Variants in PRKG1 observed in about 807,000 individuals in gnomAD.
PRKG1 encodes the protein protein kinase cGMP-dependent 1.
Under a neutral mutation model 88.1 loss-of-function variants are expected in PRKG1, and 35 were observed. The ratio of observed to expected loss-of-function variants is 0.40; its 90% CI spans 0.30 to 0.53. PRKG1 has a LOEUF of 0.53. Ranked by LOEUF, PRKG1 falls within the 20% of genes least tolerant of loss-of-function variation. The pLI, the probability that PRKG1 is intolerant of heterozygous loss-of-function variation, is 0.59. For missense variants in PRKG1, 540 were observed against 839.8 expected (o/e 0.64, Z 4.41); for synonymous variants, 303 against 292.5 (o/e 1.04, Z -0.37).
intron 2 of PRKG1, chr10:51,306,573 A>G (rs912950773): frequency 1.3e-5 from 2 of 152,120 alleles, no homozygotes; most frequent in African/African-American, 2.4e-5. Flanking sequence ...TCTCAGGAGT[A>G]TATGTTCAAT....
chr10:51,807,760 C>CA (rs1839343824), intron 4 of PRKG1, among the ~76,000 whole-genome samples: 1 of 152,074 alleles, frequency 6.6e-6, no homozygotes. Context: ...AACAGAAAAG[C>CA]AGGGGAAGGT....
intron 5 of PRKG1, among the ~76,000 whole-genome samples, chr10:52,027,805 T>A (rs1227910910): frequency 6.6e-6 from 1 of 152,190 alleles, no homozygotes; most frequent in Non-Finnish European, 1.5e-5. Context: ...TATTATTTAT[T>A]TGAGACAGAG....
At chr10:52,005,426 T>C (rs916053682) in intron 5 of PRKG1, among the ~76,000 whole-genome samples, 2 of 152,084 alleles carry the variant, frequency 1.3e-5, no homozygotes, top group African/African-American at 4.8e-5. Context: ...GCTGTGGAGC[T>C]TCCTATTGTC....
intron 2 of PRKG1, among the ~76,000 whole-genome samples, chr10:51,459,608 T>C (rs10823039): frequency 0.2 from 30,637 of 152,154 alleles, 3,313 homozygotes; most frequent in Admixed American, 0.32. Flanking sequence ...CCCTAGGAAA[T>C]AAGATACTAT....
In PRKG1 at chr10:52,156,568, T is replaced by A. The variant is rs181239263; in HGVS notation, c.1002-5321T>A. Among the ~76,000 whole-genome samples, 190 of 151,886 alleles carry A rather than the reference T, an allele frequency of 1.3e-3. 2 individuals are homozygous for A. Among genetic ancestry groups the A allele is most frequent in the African/African-American group, 4.5e-3 (187 of 41,520 alleles). On this transcript the variant is annotated intron_variant, in intron 8 of 17. Coordinates refer to ENST00000373980, the MANE Select transcript of PRKG1 (RefSeq NM_006258.4). ...GGATGGATAACTGGGAAAATATGGATGTGGCTGGTTTTATTTTATTTGGGG... is the reference window on the plus strand; with the variant it reads ...GGATGGATAACTGGGAAAATATGGAAGTGGCTGGTTTTATTTTATTTGGGG...
intron 7 of PRKG1, among the ~76,000 whole-genome samples, chr10:52,081,996 G>A (rs1358439199): frequency 6.6e-6 from 1 of 152,126 alleles, no homozygotes; most frequent in African/African-American, 2.4e-5. Context: ...ATAAAGAAGA[G>A]ATGTTTAATT....
chr10:52,196,550 T>C (rs1564512441), intron 9 of PRKG1, among the ~76,000 whole-genome samples: 2 of 152,172 alleles, frequency 1.3e-5, no homozygotes, highest in Non-Finnish European at 2.9e-5. Context: ...CTGAAACTCA[T>C]ATATTTACCA....
chr10:51,444,479 G>GT (rs1391421369), intron 2 of PRKG1, among the ~76,000 whole-genome samples: 2 of 151,824 alleles, frequency 1.3e-5, no homozygotes, highest in Non-Finnish European at 2.9e-5. Context: ...CTACAATCAA[G>GT]TAAGTTCAAA....
rs1017016942 is a variant in PRKG1 at position 51,203,001 on chromosome 10, C to T, written c.478+49671C>T. The stretch of plus-strand genomic sequence containing the variant: ...ACCAGTAAGAAAGCTAATAGACAAA[C>T]GAGAAACAATGATGTCAACGGGGTG... On this transcript the variant is annotated intron_variant, in intron 2 of 17. Coordinates refer to ENST00000373980, the MANE Select transcript of PRKG1 (RefSeq NM_006258.4). Among the ~76,000 whole-genome samples, 6 of 151,838 alleles carry T rather than the reference C, an allele frequency of 4.0e-5. No individual in the cohort carries two copies. The East Asian group carries it at 5.8e-4, about 15-fold the overall frequency.
At chr10:51,268,516 C>A (rs1039836326) in intron 2 of PRKG1, among the ~76,000 whole-genome samples, 12 of 152,096 alleles carry the variant, frequency 7.9e-5, no homozygotes, top group Admixed American at 4.6e-4. Flanking sequence ...AGGGATATTT[C>A]TCCCATTTGC....
intron 2 of PRKG1, among the ~76,000 whole-genome samples, chr10:51,271,216 A>T (rs1839971184): frequency 6.6e-6 from 1 of 152,140 alleles, no homozygotes; most frequent in Non-Finnish European, 1.5e-5. Flanking sequence ...GGAGTAAAAA[A>T]GTTCGCTTAT....
chr10:51,312,561 T>C (rs1005150607), intron 2 of PRKG1, among the ~76,000 whole-genome samples: 11 of 152,080 alleles, frequency 7.2e-5, no homozygotes, highest in Admixed American at 2.0e-4. Context: ...CCAAATGAGG[T>C]AGGGGTAGGT....
At chr10:51,862,451 T>C (rs1001999621) in intron 4 of PRKG1, among the ~76,000 whole-genome samples, 6 of 152,148 alleles carry the variant, frequency 3.9e-5, no homozygotes, top group Admixed American at 2.0e-4. Context: ...AAGAATTTTG[T>C]TGAGCAACAG....
At chr10:51,135,201 C>T (rs1227913867) in intron 1 of PRKG1, among the ~76,000 whole-genome samples, 1 of 151,946 alleles carries the variant, frequency 6.6e-6, no homozygotes, top group Non-Finnish European at 1.5e-5. Flanking sequence ...GAAAACTTTC[C>T]CAATTAAGGG....
chr10:51,393,239 A>G (rs1018514952), intron 2 of PRKG1, among the ~76,000 whole-genome samples: 1 of 147,428 alleles, frequency 6.8e-6, no homozygotes, highest in South Asian at 2.2e-4. Flanking sequence ...CGGGGCAGAG[A>G]TGCTCCCCAC....
chr10:51,061,105 G>T (rs1843687891), intron 1 of PRKG1, among the ~76,000 whole-genome samples: 1 of 126,710 alleles, frequency 7.9e-6, no homozygotes, highest in Non-Finnish European at 1.7e-5. Context: ...CTGTTCTCAT[G>T]CTGCTAATAA....
intron 2 of PRKG1, among the ~76,000 whole-genome samples, chr10:51,164,723 G>A (rs1359420238): frequency 2.0e-5 from 3 of 152,088 alleles, no homozygotes; most frequent in Non-Finnish European, 4.4e-5. Context: ...GGAGCTGAAA[G>A]CCAAGGCTCG....
intron 7 of PRKG1, among the ~76,000 whole-genome samples, chr10:52,064,256 T>C (rs1210683112): frequency 1.3e-5 from 2 of 151,962 alleles, no homozygotes; most frequent in Non-Finnish European, 2.9e-5. Context: ...GGGGGGTGAG[T>C]TGTCAGGGGA....
intron 3 of PRKG1, among the ~76,000 whole-genome samples, chr10:51,632,890 G>T (rs1201982831): frequency 4.6e-5 from 7 of 152,094 alleles, no homozygotes; most frequent in Non-Finnish European, 1.0e-4. Context: ...AGTTTTCTTG[G>T]TTCCATTGTA....
Sources: allele counts gnomAD v4.1 joint callset (sites outside exome capture counted in the v4.1 genomes callset), GRCh38; gene constraint gnomAD v4.1.1; transcripts MANE v1.5; gene names NCBI Gene and HGNC (gene_info 2026-07-23, HGNC 2026-07-21).